CC2D2A: variants seen among roughly 807,000 people sequenced by gnomAD.
CC2D2A encodes coiled-coil and C2 domain containing 2A.
A neutral mutation model predicts 212.9 loss-of-function variants in CC2D2A; 155 were observed. That is an observed-to-expected ratio of 0.73 (90% CI 0.64 to 0.83). The LOEUF is 0.83. CC2D2A is among the 40% of genes least tolerant of loss of function. The pLI, the probability that CC2D2A is intolerant of heterozygous loss-of-function variation, is 0.00. For missense variants in CC2D2A, 1,856 were observed against 1,956.2 expected, an observed-to-expected ratio of 0.95 and a Z score of 0.97; for synonymous variants, 667 against 686.5, an observed-to-expected ratio of 0.97 and a Z score of 0.44.
At chr4:15,589,318 T>C (rs973310115) in intron 32 of CC2D2A, among the ~76,000 whole-genome samples, 4 of 152,178 alleles carry the variant, frequency 2.6e-5, no homozygotes, top group Non-Finnish European at 5.9e-5. Flanking sequence ...GACTGTCCTT[T>C]TTTGGTCATT....
At chr4:15,562,853 G>A (rs905680597) in intron 23 of CC2D2A, among the ~76,000 whole-genome samples, 1 of 152,252 alleles carries the variant, frequency 6.6e-6, no homozygotes, top group Admixed American at 6.5e-5. Context: ...CACACCCACT[G>A]TCATGTGAAG....
At position 15,597,480 on chromosome 4, in the gene CC2D2A, A is replaced by G; in HGVS notation, c.4496+15A>G. The stretch of plus-strand genomic sequence containing the variant: ...CTACAAGACAGGTAACATAACATCC[A>G]TAAATCCACATGTAATCTGTCACTA... On this transcript the variant is annotated intron_variant, in intron 35 of 36. Coordinates refer to ENST00000424120, the MANE Select transcript of CC2D2A (RefSeq NM_001378615.1). 2.6e-6 allele frequency: 4 copies of G among 1,545,612 alleles called. No homozygotes were observed. The highest frequency in any genetic ancestry group is 3.5e-6 in the Non-Finnish European group (4 of 1,140,876).
At chr4:15,537,514 G>A (rs1718200415) in intron 15 of CC2D2A, among the ~76,000 whole-genome samples, 1 of 152,150 alleles carries the variant, frequency 6.6e-6, no homozygotes, top group African/African-American at 2.4e-5. Context: ...AATAGATCAG[G>A]TGGGCCTGCA....
intron 17 of CC2D2A, chr4:15,544,020 A>G (rs1042332613): frequency 6.6e-6 from 1 of 152,172 alleles, no homozygotes; most frequent in Non-Finnish European, 1.5e-5. Flanking sequence ...ATTCCTTTCC[A>G]TTTGGATGGA....
chr4:15,563,219 T>G, intron 23 of CC2D2A, 136 bp from the exon 24 acceptor site: 1 of 793,850 alleles, frequency 1.3e-6, no homozygotes, highest in Non-Finnish European at 2.0e-6. Flanking sequence ...TTCTAGACTA[T>G]TTCCACCCAC....
chr4:15,534,655 AC>A (rs1718026915), intron 14 of CC2D2A, among the ~76,000 whole-genome samples: 1 of 152,238 alleles, frequency 6.6e-6, no homozygotes, highest in Non-Finnish European at 1.5e-5. Context: ...ACAAATAGTA[AC>A]AAATGTGGGC....
chr4:15,579,918 T>C, intron 29 of CC2D2A, 50 bp from the exon 30 acceptor site: 1 of 1,462,174 alleles, frequency 6.8e-7, no homozygotes, highest in Non-Finnish European at 9.6e-7. Flanking sequence ...GAACACGTAC[T>C]TTCTCTCTTG....
chr4:15,574,460 C>CTAAACTGAAAGAATA, intron 29 of CC2D2A, 134 bp downstream of exon 29: 1 of 668,400 alleles, frequency 1.5e-6, no homozygotes, highest in Non-Finnish European at 2.4e-6. Context: ...ATTATTCTTT[C>CTAAACTGAAAGAATA]AGTTTAGATA....
chr4:15,543,769 C>G (rs1233374820), intron 17 of CC2D2A: 1 of 152,418 alleles, frequency 6.6e-6, no homozygotes, highest in Non-Finnish European at 1.5e-5. Flanking sequence ...GCTCCTCTTC[C>G]TCTGTCCTCT....
chr4:15,534,431 T>G (rs971912419), intron 14 of CC2D2A, among the ~76,000 whole-genome samples: 1 of 152,258 alleles, frequency 6.6e-6, no homozygotes, highest in Non-Finnish European at 1.5e-5. Flanking sequence ...ACCTTTATAA[T>G]TTTAGCTTTC....
chr4:15,563,532 C>T lies in CC2D2A; in HGVS notation c.3182+10C>T. The T allele has an allele frequency of 1.9e-6, 3 of 1,610,080 alleles. No individual in the cohort carries two copies. Among genetic ancestry groups the T allele is most frequent in the Non-Finnish European group, 1.7e-6 (2 of 1,178,424 alleles). Reference sequence around the variant, plus strand: ...GGAAGCCGGCAGTGAGGTGAGAGCCCTCCCAACAGCCCGAGATGCAGTGTG... The same window carrying T: ...GGAAGCCGGCAGTGAGGTGAGAGCCTTCCCAACAGCCCGAGATGCAGTGTG... On this transcript the variant is annotated intron_variant, in intron 24 of 36. Coordinates refer to ENST00000424120, the MANE Select transcript of CC2D2A (RefSeq NM_001378615.1).
At chr4:15,500,129 A>ATATATATATATG (rs1553823493) in intron 4 of CC2D2A, among the ~76,000 whole-genome samples, 66 of 141,250 alleles carry the variant, frequency 4.7e-4, no homozygotes, top group Admixed American at 1.4e-3. Flanking sequence ...ATATATATAT[A>ATATATATATATG]TATGTATTTT....
chr4:15,563,295 C>T (rs1719705542), intron 23 of CC2D2A, 60 bp from the exon 24 acceptor site: 1 of 1,492,438 alleles, frequency 6.7e-7, no homozygotes, highest in African/African-American at 1.4e-5. Flanking sequence ...GGGAAGTCGT[C>T]TCACAATTTT....
At chr4:15,529,666 C>G (rs1332104589) in intron 13 of CC2D2A, among the ~76,000 whole-genome samples, 1 of 151,900 alleles carries the variant, frequency 6.6e-6, no homozygotes, top group Non-Finnish European at 1.5e-5. Context: ...TAATTCTCAA[C>G]TGATACGCAT....
At chr4:15,585,571 C>T (rs1342504850) in intron 30 of CC2D2A, among the ~76,000 whole-genome samples, 1 of 152,106 alleles carries the variant, frequency 6.6e-6, no homozygotes, top group Non-Finnish European at 1.5e-5. Context: ...TTCTATTACA[C>T]AGTATGATGA....
intron 8 of CC2D2A, among the ~76,000 whole-genome samples, chr4:15,513,471 C>T (rs1409028338): frequency 6.6e-6 from 1 of 152,238 alleles, no homozygotes; most frequent in Non-Finnish European, 1.5e-5. Context: ...AAGGCCACTT[C>T]TCCCTTCCTT....
At chr4:15,509,719 T>C (rs1224462455) in intron 6 of CC2D2A, among the ~76,000 whole-genome samples, 3 of 152,208 alleles carry the variant, frequency 2.0e-5, no homozygotes, top group Non-Finnish European at 2.9e-5. Flanking sequence ...TTCTGAGAAA[T>C]GTGTTCTTAG....
intron 33 of CC2D2A, 196 bp from the exon 34 acceptor site, chr4:15,595,889 G>T: frequency 2.6e-6 from 1 of 380,436 alleles, no homozygotes; most frequent in Non-Finnish European, 4.7e-6. Context: ...TGAAAAAATG[G>T]CCAATGACAA....
At chr4:15,589,959 C>T (rs1165431300) in intron 33 of CC2D2A, among the ~76,000 whole-genome samples, 1 of 151,992 alleles carries the variant, frequency 6.6e-6, no homozygotes, top group Non-Finnish European at 1.5e-5. Flanking sequence ...TTCAGAGGAC[C>T]TGAGTTTGTG....
Sources: allele counts gnomAD v4.1 joint callset (sites outside exome capture counted in the v4.1 genomes callset), GRCh38; gene constraint gnomAD v4.1.1; transcripts MANE v1.5; gene names NCBI Gene and HGNC (gene_info 2026-07-23, HGNC 2026-07-21).